The following NOL4 variants were observed in gnomAD, a reference collection of about 807,000 sequenced individuals.
NOL4 encodes nucleolar protein 4.
A neutral mutation model predicts 75.9 loss-of-function variants in NOL4; 17 were observed. The ratio of observed to expected loss-of-function variants is 0.22; its 90% CI spans 0.15 to 0.34. NOL4 has a LOEUF of 0.34. NOL4 is among the 10% of genes least tolerant of loss of function. The pLI, the probability that NOL4 is intolerant of heterozygous loss-of-function variation, is 1.00. For synonymous variants in NOL4, 292 were observed against 289.9 expected, an observed-to-expected ratio of 1.01 and a Z score of -0.07; for missense variants, 614 against 793.5, an observed-to-expected ratio of 0.77 and a Z score of 2.72.
At chr18:34,044,023 C>T (rs1359015081) in intron 5 of NOL4, among the ~76,000 whole-genome samples, 1 of 152,114 alleles carries the variant, frequency 6.6e-6, no homozygotes, top group Admixed American at 6.6e-5. Flanking sequence ...TCATTCTTCT[C>T]ACTTTACTGT....
intron 2 of NOL4, among the ~76,000 whole-genome samples, chr18:34,112,373 A>C (rs1014527544): frequency 5.3e-5 from 8 of 149,654 alleles, no homozygotes; most frequent in South Asian, 2.1e-4. Context: ...TCCCCCCCCA[A>C]AAAAAAAAGA....
intron 1 of NOL4, among the ~76,000 whole-genome samples, chr18:34,216,039 G>A (rs1331467014): frequency 2.0e-5 from 3 of 152,024 alleles, no homozygotes; most frequent in Non-Finnish European, 4.4e-5. Context: ...CCACATACAA[G>A]TGGACCCAGG....
chr18:33,992,361 C>CT (rs1420953525), intron 6 of NOL4, among the ~76,000 whole-genome samples: 1 of 151,982 alleles, frequency 6.6e-6, no homozygotes, highest in African/African-American at 2.4e-5. Flanking sequence ...CAGATCAACA[C>CT]TGTTATGACA....
chr18:33,975,756 A>G (rs774896807), intron 6 of NOL4, among the ~76,000 whole-genome samples: 56 of 152,258 alleles, frequency 3.7e-4, no homozygotes, highest in Non-Finnish European at 6.5e-4. Context: ...GCCCAGATGT[A>G]AAAAAAGTAA....
rs1445192084 is a variant in NOL4, at chr18:34,198,037, AAGG to A, written c.264+24950_264+24952del. Among the ~76,000 whole-genome samples the A allele has an allele frequency of 2.0e-5, 3 of 152,062 alleles. No homozygotes were observed. In the South Asian group the frequency reaches 6.2e-4, roughly 32 times the overall value. On this transcript the variant is annotated intron_variant, in intron 1 of 10. Transcript: ENST00000261592. ...TACAAGAGTCAAGACACCAAATCAC[AAGG>A]AGAATACAGTGAAACCTAGTCATGT...
At chr18:33,922,006 A>G (rs1194507692) in intron 9 of NOL4, among the ~76,000 whole-genome samples, 3 of 152,204 alleles carry the variant, frequency 2.0e-5, no homozygotes, top group Non-Finnish European at 4.4e-5. Flanking sequence ...AGGGATAAAT[A>G]TGTAACCCAA....
intron 9 of NOL4, among the ~76,000 whole-genome samples, chr18:33,909,868 TTAA>T (rs940174488): frequency 1.3e-5 from 2 of 152,012 alleles, no homozygotes; most frequent in African/African-American, 4.8e-5. Flanking sequence ...GTGATAACCA[TTAA>T]TAATGAAAAA....
intron 9 of NOL4, among the ~76,000 whole-genome samples, chr18:33,941,045 C>T (rs928191882): frequency 6.6e-6 from 1 of 151,954 alleles, no homozygotes; most frequent in Non-Finnish European, 1.5e-5. Flanking sequence ...AATAGCAGAT[C>T]TTTAGTACCA....
chr18:34,179,585 T>C, intron 1 of NOL4, among the ~76,000 whole-genome samples: 1 of 151,290 alleles, frequency 6.6e-6, no homozygotes, highest in East Asian at 1.9e-4. Flanking sequence ...AAACAGCTGT[T>C]TACCAAAAAA....
At chr18:34,030,339 T>C (rs2075573703) in intron 5 of NOL4, among the ~76,000 whole-genome samples, 1 of 152,196 alleles carries the variant, frequency 6.6e-6, no homozygotes, top group South Asian at 2.1e-4. Context: ...TTATTTTTTC[T>C]TCTGGGGGTA....
At chr18:33,960,066 T>G (rs2069983748) in intron 6 of NOL4, among the ~76,000 whole-genome samples, 1 of 152,240 alleles carries the variant, frequency 6.6e-6, no homozygotes, top group African/African-American at 2.4e-5. Context: ...CTAAAACTGC[T>G]ATTCCACCTA....
At chr18:33,910,519 T>G (rs553870241) in intron 9 of NOL4, among the ~76,000 whole-genome samples, 1 of 152,180 alleles carries the variant, frequency 6.6e-6, no homozygotes, top group Admixed American at 6.6e-5. Flanking sequence ...TAGCTCTCAG[T>G]GGTGAGGGTT....
chr18:33,950,198 CTT>C (rs1029675056), intron 8 of NOL4, among the ~76,000 whole-genome samples: 6 of 150,458 alleles, frequency 4.0e-5, no homozygotes, highest in African/African-American at 1.5e-4. Context: ...AATTCTTGGC[CTT>C]TTGGTTAAGA....
chr18:33,872,944 T>C (rs1288144431), intron 10 of NOL4, among the ~76,000 whole-genome samples: 2 of 152,020 alleles, frequency 1.3e-5, no homozygotes, highest in Non-Finnish European at 2.9e-5. Flanking sequence ...AAAAAATTCC[T>C]AAATATAACA....
intron 1 of NOL4, among the ~76,000 whole-genome samples, chr18:34,165,089 T>G: frequency 3.4e-5 from 4 of 116,116 alleles, no homozygotes; most frequent in South Asian, 2.8e-4. Flanking sequence ...TGGGGACTGT[T>G]GTGGGGTGGG....
chr18:33,935,235 G>T (rs2067980693), intron 9 of NOL4, among the ~76,000 whole-genome samples: 1 of 152,108 alleles, frequency 6.6e-6, no homozygotes, highest in African/African-American at 2.4e-5. Flanking sequence ...TTTGGTGCAA[G>T]AGGCAGAGCT....
At chr18:33,907,193 G>A (rs1449810064) in intron 9 of NOL4, among the ~76,000 whole-genome samples, 1 of 151,800 alleles carries the variant, frequency 6.6e-6, no homozygotes, top group Non-Finnish European at 1.5e-5. Flanking sequence ...CGTGGTGGTT[G>A]GCACCTGTAG....
intron 9 of NOL4, among the ~76,000 whole-genome samples, chr18:33,892,948 C>T (rs2065184956): frequency 6.6e-6 from 1 of 152,092 alleles, no homozygotes; most frequent in Admixed American, 6.6e-5. Flanking sequence ...TAGGAATGAG[C>T]CACTGCACCC....
chr18:34,079,469 C>T (rs1211683225), intron 5 of NOL4, among the ~76,000 whole-genome samples: 1 of 151,862 alleles, frequency 6.6e-6, no homozygotes, highest in East Asian at 1.9e-4. Flanking sequence ...CCTAAATACC[C>T]CATGCCATTG....
Sources: allele counts gnomAD v4.1 joint callset (sites outside exome capture counted in the v4.1 genomes callset), GRCh38; gene constraint gnomAD v4.1.1; transcripts MANE v1.5; gene names NCBI Gene and HGNC (gene_info 2026-07-23, HGNC 2026-07-21).